Variants in MDN1 observed in about 807,000 individuals in gnomAD.
The protein encoded by MDN1 is midasin.
A neutral mutation model predicts 669.2 loss-of-function variants in MDN1; 266 were observed. The ratio of observed to expected loss-of-function variants is 0.40; its 90% CI spans 0.36 to 0.44. MDN1 has a LOEUF of 0.44. Among genes scored for constraint, MDN1 ranks in the 20% least tolerant of loss-of-function variants. MDN1 has a pLI of 1.00. For missense variants in MDN1, 5,940 were observed against 6,754.0 expected, an observed-to-expected ratio of 0.88 and a Z score of 4.22; for synonymous variants, 2,385 against 2,457.1, an observed-to-expected ratio of 0.97 and a Z score of 0.87.
chr6:89,655,775 G>A lies in MDN1; in HGVS notation c.15479C>T (p.Ala5160Val), dbSNP rs747177619. 1.9e-6 allele frequency: 3 copies of A among 1,606,222 alleles called. No homozygotes were observed. The highest frequency in any genetic ancestry group is 1.7e-5 in the Admixed American group (1 of 58,844). ...HIKQGSDAYD[A>V]QTYDVASKEQ... is the part of the protein sequence containing the mutation. ...TCCCAGGACCGTACCATAGGTCTGTGCATCGTATGCGTCACTGCCTTGTTT... is the reference window on the plus strand; with the variant it reads ...TCCCAGGACCGTACCATAGGTCTGTACATCGTATGCGTCACTGCCTTGTTT... Residue 5160 changes from alanine to valine, a missense_variant, in exon 92 of 102, where the codon GCA (alanine) becomes GTA (valine). By Grantham distance (64) the Ala-to-Val change is moderately conservative. Transcript: ENST00000369393.
Position 89,692,822 on chromosome 6 carries a change from G to GA in MDN1, c.10207dup (p.Ser3403PhefsTer15). On this transcript the variant is annotated frameshift_variant, in exon 63 of 102. Transcript: ENST00000369393. LOFTEE classifies it high-confidence loss of function. ...CATGCCATGTTGTAACTGCAATATG[G>GA]ATGCCTGCAGTGGGCTCACGGCATC... 1.2e-6 allele frequency: 2 copies of GA among 1,614,224 alleles called. No homozygotes were observed. Among genetic ancestry groups the GA allele is most frequent in the Non-Finnish European group, 1.7e-6 (2 of 1,180,042 alleles).
chr6:89,718,847 G>A lies in MDN1; in HGVS notation c.6241C>T (p.His2081Tyr), dbSNP rs746327512. 1 of 1,614,198 alleles carries A rather than the reference G, an allele frequency of 6.2e-7. No homozygotes were observed. The highest frequency in any genetic ancestry group is 8.5e-7 in the Non-Finnish European group (1 of 1,180,050). The change falls in exon 42 of 102, where the codon CAC (histidine) becomes TAC (tyrosine). Residue 2081 changes from histidine to tyrosine, a missense_variant. Transcript: ENST00000369393. The stretch of plus-strand genomic sequence containing the variant: ...ATCTTTAATGTGTGGCCAGTAAGGT[G>A]TGCCAGAAGCTGGACCAGGCTGGTC... The part of the protein sequence containing the change: ...GKTSLVQLLA[H>Y]LTGHTLKIMA...
chr6:89,664,523 C>G lies in MDN1; in HGVS notation c.14200G>C (p.Asp4734His). 6.2e-7 allele frequency: 1 copy of G among 1,614,112 alleles called. No homozygotes were observed. Among genetic ancestry groups the G allele is most frequent in the Non-Finnish European group, 8.5e-7 (1 of 1,180,006 alleles). ...DNAIEMSEDF[D>H]GKMHDGELEE... ...AGCTCCCCATCATGCATTTTCCCAT[C>G]AAAATCTTCCGACATCTCAATGGCA... The change falls in exon 85 of 102, where the codon GAT becomes CAT. Residue 4734 changes from aspartate to histidine, a missense_variant. Around this residue, in one of 5 missense-constraint regions of MDN1, gnomAD observed 2,280 missense variants for 2,576.3 expected, o/e 0.88. Transcript: ENST00000369393.
At chr6:89,804,318 A>G (rs1349007437) in intron 1 of MDN1, among the ~76,000 whole-genome samples, 2 of 152,300 alleles carry the variant, frequency 1.3e-5, no homozygotes, top group African/African-American at 4.8e-5. Context: ...GTGAGATTCT[A>G]TTATAAAATA....
At chr6:89,683,677 G>A (rs1045542648) in intron 72 of MDN1, among the ~76,000 whole-genome samples, 154 bp downstream of exon 72, 9 of 152,120 alleles carry the variant, frequency 5.9e-5, no homozygotes, top group African/African-American at 1.9e-4. Flanking sequence ...AGGGGGTGGT[G>A]TTGAAAGCAA....
chr6:89,703,704 C>T (rs1018599209), intron 53 of MDN1, among the ~76,000 whole-genome samples: 1 of 152,024 alleles, frequency 6.6e-6, no homozygotes, highest in Non-Finnish European at 1.5e-5. Flanking sequence ...CAATGTGAAC[C>T]TGTCACTTCA....
chr6:89,794,654 C>A lies in MDN1; in HGVS notation c.477G>T (p.Glu159Asp). ...MEAAFKFLQQ[E>D]QSVFRELWDW... is the part of the protein sequence containing the mutation. ...CCCAGAGCTCCCGGAACACAGACTG[C>A]TCCTGCTGCAGAAACTTGAAGGCTG... Residue 159 changes from glutamate (E) to aspartate (D), a missense_variant, in exon 3 of 102, where the codon GAG (glutamate) becomes GAT (aspartate). This residue lies in a region of MDN1 where 1,203 missense variants were observed against 1,268.9 expected (regional missense o/e 0.95). Coordinates refer to ENST00000369393, the MANE Select transcript of MDN1 (RefSeq NM_014611.3). The A allele has an allele frequency of 6.2e-7, 1 of 1,614,134 alleles. No homozygotes were observed. Among genetic ancestry groups the A allele is most frequent in the Non-Finnish European group, 8.5e-7 (1 of 1,180,040 alleles).
rs199947446 is a variant in MDN1, at chr6:89,749,412, A to G, written c.3616-43T>C. On this transcript the variant is annotated intron_variant, in intron 25 of 101. Transcript: ENST00000369393. ...AGAATGCAGTAAAAGGTGCCTTTTA[A>G]TTTCCAATATGGAGGCTCTGACATT... 8.7e-6 allele frequency: 14 copies of G among 1,604,576 alleles called. No individual in the cohort carries two copies. In the East Asian group the frequency reaches 2.5e-4, roughly 28 times the overall value.
chr6:89,643,980 C>T lies in MDN1; in HGVS notation c.*25G>A, dbSNP rs1186627956. The T allele has an allele frequency of 6.4e-7, 1 of 1,560,246 alleles. No individual in the cohort carries two copies. Among genetic ancestry groups the T allele is most frequent in the South Asian group, 1.2e-5 (1 of 81,456 alleles). The stretch of plus-strand genomic sequence containing the variant: ...TGTGACCTTCTGACCACAGTTAAGT[C>T]TCACTTTGGACTCTTCTTTCTGTTC... On this transcript the variant is annotated 3_prime_UTR_variant, in exon 102 of 102. Transcript: ENST00000369393.
At chr6:89,773,274 G>T (rs906069713) in intron 13 of MDN1, among the ~76,000 whole-genome samples, 2 of 151,990 alleles carry the variant, frequency 1.3e-5, no homozygotes, top group African/African-American at 4.8e-5. Flanking sequence ...GAGCATGGTG[G>T]CACAAGCCTG....
chr6:89,688,521 C>G, intron 66 of MDN1, 52 bp downstream of exon 66: 1 of 1,521,158 alleles, frequency 6.6e-7, no homozygotes, highest in Non-Finnish European at 9.0e-7. Flanking sequence ...GAGGCTGCAT[C>G]CTCATTGCAG....
chr6:89,683,434 G>A, intron 72 of MDN1, 104 bp from the exon 73 acceptor site: 1 of 881,764 alleles, frequency 1.1e-6, no homozygotes, highest in Non-Finnish European at 1.8e-6. Flanking sequence ...CTAATACCCT[G>A]TACCTTTTAT....
intron 15 of MDN1, among the ~76,000 whole-genome samples, chr6:89,768,453 C>T (rs2026636): frequency 0.52 from 78,574 of 152,030 alleles, 20,641 homozygotes; most frequent in East Asian, 0.68. Flanking sequence ...CCCAGCCATG[C>T]GGAACTGTGA....
intron 17 of MDN1, among the ~76,000 whole-genome samples, chr6:89,760,852 TAC>T (rs1257101126): frequency 6.6e-6 from 1 of 151,400 alleles, no homozygotes; most frequent in Non-Finnish European, 1.5e-5. Flanking sequence ...AGTTAGGGAG[TAC>T]AGAGTAATGA....
chr6:89,705,558 C>A (rs1027511004), intron 53 of MDN1, among the ~76,000 whole-genome samples: 1 of 152,116 alleles, frequency 6.6e-6, no homozygotes, highest in African/African-American at 2.4e-5. Context: ...TACTACTCAG[C>A]AATAAAGAGG....
intron 98 of MDN1, 47 bp from the exon 99 acceptor site, chr6:89,648,193 G>A: frequency 1.2e-6 from 2 of 1,606,010 alleles, no homozygotes; most frequent in Non-Finnish European, 1.7e-6. Flanking sequence ...TTTTGGCTGT[G>A]TGATCAAAAT....
At chr6:89,657,491 C>A (rs1215214266) in intron 90 of MDN1, among the ~76,000 whole-genome samples, 1 of 152,178 alleles carries the variant, frequency 6.6e-6, no homozygotes, top group Non-Finnish European at 1.5e-5. Flanking sequence ...AAAAAGTTAT[C>A]TGCTTTTTAA....
intron 59 of MDN1, among the ~76,000 whole-genome samples, chr6:89,697,896 T>A (rs943982136): frequency 5.3e-5 from 8 of 151,714 alleles, no homozygotes; most frequent in Non-Finnish European, 8.8e-5. Context: ...CAATTTTTTT[T>A]AAAAAAAAGC....
chr6:89,677,648 T>C lies in MDN1; in HGVS notation c.12461A>G (p.Gln4154Arg). ...GLAWARSKNP[Q>R]EMLHLHPLDL... is the part of the protein sequence containing the mutation. ...TAATGGGTGAAGATGAAGCATCTCT[T>C]GAGGGTTTTTTGAACGGGCCCAAGC... Residue 4154 changes from glutamine (Q) to arginine (R), a missense_variant, in exon 76 of 102, where the codon CAA (glutamine) becomes CGA (arginine). Gln to Arg is a conservative substitution (Grantham distance 43). Transcript: ENST00000369393. 1 of 1,614,152 alleles carries C rather than the reference T, an allele frequency of 6.2e-7. No individual in the cohort carries two copies. Among genetic ancestry groups the C allele is most frequent in the Non-Finnish European group, 8.5e-7 (1 of 1,180,026 alleles).
Sources: gnomAD v4.1 joint callset for allele counts (sites outside exome capture counted in the v4.1 genomes callset) on GRCh38, gnomAD v4.1.1 for gene constraint, gnomAD v4.1.1 regional missense constraint, MANE v1.5 for transcripts, NCBI Gene and HGNC (gene_info 2026-07-23, HGNC 2026-07-21) for gene names.